The following GTF2H1 variants were observed in gnomAD, a reference collection of about 807,000 sequenced individuals.
GTF2H1 encodes the protein general transcription factor IIH subunit 1, also known as BTF2 p62.
A neutral mutation model predicts 71.2 loss-of-function variants in GTF2H1; 16 were observed. The ratio of observed to expected loss-of-function variants is 0.22; its 90% CI spans 0.15 to 0.34. GTF2H1 has a LOEUF of 0.34. Among genes scored for constraint, GTF2H1 ranks in the 10% least tolerant of loss-of-function variants. GTF2H1 has a pLI of 1.00. For synonymous variants in GTF2H1, 215 were observed against 219.0 expected (o/e 0.98, Z 0.16); for missense variants, 498 against 648.2 (o/e 0.77, Z 2.52).
intron 1 of GTF2H1, chr11:18,332,606 CTT>C (rs961647911): frequency 3.3e-5 from 5 of 152,356 alleles, no homozygotes; most frequent in African/African-American, 1.2e-4. Flanking sequence ...AATCAGGAAA[CTT>C]TGGTGTGGTT....
rs1306644816 is a variant in GTF2H1, at chr11:18,330,049, C to G, written c.-15-3011C>G. ...CAAGGGTGACTGAAATGTTCTGTCT[C>G]TCATTTTGGGTAACTGTAAATGGGT... On this transcript the variant is annotated intron_variant, in intron 1 of 14. Transcript: ENST00000265963. 3.3e-5 allele frequency among the ~76,000 whole-genome samples: 5 copies of G among 152,326 alleles called. No homozygotes were observed. In the East Asian group the frequency reaches 9.6e-4, roughly 29 times the overall value.
In GTF2H1 at chr11:18,358,642, T is replaced by G; in HGVS notation, c.1467+2T>G. On this transcript the variant is annotated splice_donor_variant, in intron 13 of 14. Transcript: ENST00000265963. LOFTEE classifies it high-confidence loss of function. Reference sequence around the variant, plus strand: ...AATACGCCATTCCTAGAAGAAAAGGTTAGAACCAGTTCTGAAGACAGCCAG... The same window carrying G: ...AATACGCCATTCCTAGAAGAAAAGGGTAGAACCAGTTCTGAAGACAGCCAG... The G allele has an allele frequency of 6.5e-7, 1 of 1,549,042 alleles. No individual in the cohort carries two copies.
chr11:18,323,560 A>G (rs1025966782), intron 1 of GTF2H1, among the ~76,000 whole-genome samples: 1 of 151,558 alleles, frequency 6.6e-6, no homozygotes, highest in Non-Finnish European at 1.5e-5. Context: ...CTTAAAAACA[A>G]AAACAAAAAA....
At chr11:18,349,661 T>A (rs985309734) in intron 9 of GTF2H1, among the ~76,000 whole-genome samples, 3 of 152,198 alleles carry the variant, frequency 2.0e-5, no homozygotes, top group African/African-American at 7.2e-5. Flanking sequence ...CCAGCCTGGA[T>A]GACAGAGCAA....
chr11:18,355,354 A>G (rs1865518285), intron 11 of GTF2H1, among the ~76,000 whole-genome samples: 1 of 151,416 alleles, frequency 6.6e-6, no homozygotes, highest in South Asian at 2.1e-4. Flanking sequence ...CGTGTTAGCC[A>G]GGATGGTCTC....
intron 14 of GTF2H1, among the ~76,000 whole-genome samples, chr11:18,364,106 A>C (rs761474531): frequency 6.6e-6 from 1 of 152,166 alleles, no homozygotes; most frequent in Non-Finnish European, 1.5e-5. Context: ...GAGGCCATGC[A>C]TAGCCTTGCA....
At chr11:18,341,457 C>G (rs368777031) in intron 6 of GTF2H1, 47 bp downstream of exon 6, 100 of 1,608,252 alleles carry the variant, frequency 6.2e-5, no homozygotes, top group Non-Finnish European at 8.2e-5. Flanking sequence ...TTGCCACCCT[C>G]TAGACATTAT....
chr11:18,324,829 A>G (rs957912620), intron 1 of GTF2H1, among the ~76,000 whole-genome samples: 4 of 151,986 alleles, frequency 2.6e-5, no homozygotes, highest in Non-Finnish European at 5.9e-5. Flanking sequence ...ATATGAGCAT[A>G]TTTTCTTCTG....
intron 1 of GTF2H1, among the ~76,000 whole-genome samples, chr11:18,325,250 C>T (rs1426792506): frequency 6.6e-6 from 1 of 152,204 alleles, no homozygotes; most frequent in Non-Finnish European, 1.5e-5. Flanking sequence ...GATTTGTATT[C>T]AACCAGTTCA....
intron 1 of GTF2H1, among the ~76,000 whole-genome samples, chr11:18,329,350 C>T (rs777558292): frequency 2.8e-4 from 43 of 152,154 alleles, no homozygotes; most frequent in Non-Finnish European, 1.2e-4. Context: ...ATCTGCTCTT[C>T]CTTCTCATTA....
At chr11:18,332,045 C>G (rs1479694843) in intron 1 of GTF2H1, among the ~76,000 whole-genome samples, 2 of 152,012 alleles carry the variant, frequency 1.3e-5, no homozygotes, top group African/African-American at 4.8e-5. Context: ...AGGCTGATCT[C>G]AAACTCTTGG....
intron 4 of GTF2H1, among the ~76,000 whole-genome samples, chr11:18,338,882 C>CAAA (rs1206091558): frequency 6.6e-6 from 1 of 152,202 alleles, no homozygotes. Flanking sequence ...ATGACTCTTT[C>CAAA]AGAGTTTGGA....
intron 1 of GTF2H1, among the ~76,000 whole-genome samples, chr11:18,326,525 A>T (rs1224692409): frequency 6.6e-6 from 1 of 151,446 alleles, no homozygotes; most frequent in Non-Finnish European, 1.5e-5. Context: ...CCTTCTCAAA[A>T]AAAAAAAGGT....
intron 5 of GTF2H1, 60 bp downstream of exon 5, chr11:18,339,717 A>T: frequency 1.0e-6 from 1 of 985,738 alleles, no homozygotes; most frequent in Non-Finnish European, 1.5e-6. Flanking sequence ...ATAGTATATC[A>T]GTGAAAAACA....
chr11:18,342,881 C>T (rs1865194175), intron 7 of GTF2H1, among the ~76,000 whole-genome samples: 1 of 152,120 alleles, frequency 6.6e-6, no homozygotes, highest in South Asian at 2.1e-4. Flanking sequence ...ATTCTGATAT[C>T]TTCTAACATT....
At chr11:18,340,666 A>G (rs1366578129) in intron 5 of GTF2H1, among the ~76,000 whole-genome samples, 6 of 152,170 alleles carry the variant, frequency 3.9e-5, no homozygotes, top group African/African-American at 1.4e-4. Flanking sequence ...CTTTTTCTAT[A>G]GTAACTGATT....
intron 2 of GTF2H1, among the ~76,000 whole-genome samples, chr11:18,334,922 T>A (rs4150576): frequency 1.5e-3 from 228 of 152,344 alleles, no homozygotes; most frequent in Middle Eastern, 0.01. Flanking sequence ...GTTGTCTCAG[T>A]AATGTTTATA....
intron 3 of GTF2H1, among the ~76,000 whole-genome samples, chr11:18,337,320 C>G (rs575596244): frequency 6.6e-6 from 1 of 152,172 alleles, no homozygotes; most frequent in Admixed American, 6.5e-5. Context: ...GTGGCGCATA[C>G]CTGTAATCCA....
intron 3 of GTF2H1, among the ~76,000 whole-genome samples, chr11:18,337,046 T>C (rs1865045051): frequency 6.6e-6 from 1 of 152,218 alleles, no homozygotes; most frequent in Admixed American, 6.5e-5. Context: ...CCGCCACACC[T>C]GGCCACAATT....
Sources: gnomAD v4.1 joint callset for allele counts (sites outside exome capture counted in the v4.1 genomes callset) on GRCh38, gnomAD v4.1.1 for gene constraint, MANE v1.5 for transcripts, NCBI Gene and HGNC (gene_info 2026-07-23, HGNC 2026-07-21) for gene names.